The following PSMD14 variants were observed in gnomAD, a reference collection of about 807,000 sequenced individuals.
The protein encoded by PSMD14 is ubiquitin C-terminal hydrolase PSMD14.
PSMD14 carries 7 observed loss-of-function variants against 41.2 expected under a neutral mutation model. The ratio of observed to expected loss-of-function variants is 0.17; its 90% CI spans 0.10 to 0.32. The LOEUF (loss-of-function observed/expected upper bound fraction) is 0.32. Among genes scored for constraint, PSMD14 ranks in the 10% least tolerant of loss-of-function variants. The probability of loss-of-function intolerance (pLI) is 1.00; values close to 1 mark genes in which losing one functional copy is unlikely to be tolerated. For synonymous variants in PSMD14, 114 were observed against 122.3 expected (o/e 0.93, Z 0.45); for missense variants, 139 against 375.6 (o/e 0.37, Z 5.21).
At chr2:161,332,705 A>G (rs1682811388) in intron 3 of PSMD14, among the ~76,000 whole-genome samples, 1 of 152,224 alleles carries the variant, frequency 6.6e-6, no homozygotes, top group Non-Finnish European at 1.5e-5. Flanking sequence ...TTTAGAACAT[A>G]CTGATCCCAT....
chr2:161,327,082 A>T (rs1682710220), intron 3 of PSMD14, among the ~76,000 whole-genome samples: 1 of 152,134 alleles, frequency 6.6e-6, no homozygotes, highest in Non-Finnish European at 1.5e-5. Flanking sequence ...AGTGAACCTA[A>T]AAGATATTTT....
intron 7 of PSMD14, among the ~76,000 whole-genome samples, chr2:161,375,198 T>C (rs1412659338): frequency 6.6e-6 from 1 of 152,002 alleles, no homozygotes; most frequent in Non-Finnish European, 1.5e-5. Context: ...TTTTAAAAAA[T>C]GGTCTTTGTG....
intron 11 of PSMD14, 25 bp downstream of exon 11, chr2:161,408,924 T>C (rs200935721): frequency 1.6e-4 from 251 of 1,557,966 alleles, no homozygotes; most frequent in Non-Finnish European, 1.6e-4. Flanking sequence ...TAATAAGTTA[T>C]GCAGTTGCAT....
intron 3 of PSMD14, among the ~76,000 whole-genome samples, chr2:161,356,224 ACTC>A (rs1683195897): frequency 6.6e-6 from 1 of 152,056 alleles, no homozygotes; most frequent in Non-Finnish European, 1.5e-5. Context: ...TCTGACTTGT[ACTC>A]CTATTGCCAA....
intron 3 of PSMD14, among the ~76,000 whole-genome samples, chr2:161,339,991 C>T (rs1007347966): frequency 2.0e-5 from 3 of 152,184 alleles, no homozygotes. Flanking sequence ...TATAAAATTC[C>T]AAGAAACGCA....
intron 1 of PSMD14, among the ~76,000 whole-genome samples, chr2:161,310,510 C>T (rs1168275993): frequency 6.6e-6 from 1 of 152,148 alleles, no homozygotes; most frequent in Non-Finnish European, 1.5e-5. Flanking sequence ...TCGTATTCTG[C>T]TTTGTGTGTG....
intron 4 of PSMD14, 104 bp from the exon 5 acceptor site, chr2:161,367,680 G>T: frequency 7.9e-7 from 1 of 1,265,886 alleles, no homozygotes; most frequent in Non-Finnish European, 1.0e-6. Context: ...TTTATAAAAG[G>T]AGTTTTTATT....
intron 10 of PSMD14, among the ~76,000 whole-genome samples, chr2:161,400,800 C>T (rs891994756): frequency 2.6e-5 from 4 of 151,916 alleles, no homozygotes; most frequent in African/African-American, 9.7e-5. Flanking sequence ...CCTGCCTTGG[C>T]TTCCCAAAGT....
intron 3 of PSMD14, among the ~76,000 whole-genome samples, chr2:161,345,683 G>A (rs1683031463): frequency 6.6e-6 from 1 of 152,054 alleles, no homozygotes; most frequent in Non-Finnish European, 1.5e-5. Flanking sequence ...AACTTCATGT[G>A]TCCGAAGGCC....
At chr2:161,337,408 T>C (rs987877853) in intron 3 of PSMD14, among the ~76,000 whole-genome samples, 1 of 152,212 alleles carries the variant, frequency 6.6e-6, no homozygotes, top group African/African-American at 2.4e-5. Context: ...ATATGTTATC[T>C]CATTTAATCT....
At chr2:161,390,957 C>T in intron 8 of PSMD14, 147 bp from the exon 9 acceptor site, 9 of 789,292 alleles carry the variant, frequency 1.1e-5, no homozygotes, top group Non-Finnish European at 1.6e-5. Context: ...AAGAAGAATA[C>T]TTTAATTTCA....
chr2:161,326,196 A>G (rs779802067), intron 3 of PSMD14, among the ~76,000 whole-genome samples: 2 of 152,022 alleles, frequency 1.3e-5, no homozygotes, highest in Non-Finnish European at 2.9e-5. Flanking sequence ...ACGCCCGGCT[A>G]ATTTTTGTAG....
At chr2:161,311,299 ACT>A (rs1289179941) in intron 1 of PSMD14, among the ~76,000 whole-genome samples, 1 of 151,742 alleles carries the variant, frequency 6.6e-6, no homozygotes, top group Admixed American at 6.6e-5. Flanking sequence ...ACAGAGCGAG[ACT>A]CTGTCTCAAA....
chr2:161,322,719 C>T (rs1559037993), intron 3 of PSMD14, among the ~76,000 whole-genome samples: 1 of 151,918 alleles, frequency 6.6e-6, no homozygotes, highest in Non-Finnish European at 1.5e-5. Context: ...GAGGAATTCA[C>T]AGTAATAATA....
chr2:161,369,420 T>C (rs1377385212), intron 5 of PSMD14, among the ~76,000 whole-genome samples: 4 of 152,010 alleles, frequency 2.6e-5, no homozygotes, highest in Non-Finnish European at 5.9e-5. Context: ...AAAACATTCT[T>C]AGCCTATAAG....
intron 1 of PSMD14, among the ~76,000 whole-genome samples, chr2:161,315,135 T>A (rs908975790): frequency 6.6e-6 from 1 of 152,196 alleles, no homozygotes; most frequent in African/African-American, 2.4e-5. Flanking sequence ...CAAACATTTA[T>A]CCCCCGGGGA....
At chr2:161,314,227 A>C (rs1448628798) in intron 1 of PSMD14, among the ~76,000 whole-genome samples, 2 of 152,232 alleles carry the variant, frequency 1.3e-5, no homozygotes, top group African/African-American at 4.8e-5. Context: ...AACATCATAA[A>C]ACATCAAAAA....
chr2:161,402,858 A>C (rs1014010071), intron 10 of PSMD14, among the ~76,000 whole-genome samples: 23 of 152,196 alleles, frequency 1.5e-4, no homozygotes, highest in Non-Finnish European at 3.1e-4. Context: ...GGTCATTAGA[A>C]AAATGCAAAT....
intron 3 of PSMD14, among the ~76,000 whole-genome samples, chr2:161,353,209 TATGTC>T (rs1683144949): frequency 6.6e-6 from 1 of 152,154 alleles, no homozygotes. Flanking sequence ...TGTGGAAAAA[TATGTC>T]ATCTTATCCT....
Sources: allele counts gnomAD v4.1 joint callset (sites outside exome capture counted in the v4.1 genomes callset), GRCh38; gene constraint gnomAD v4.1.1; transcripts MANE v1.5; gene names NCBI Gene and HGNC (gene_info 2026-07-23, HGNC 2026-07-21).